The following TMED7 variants were observed in gnomAD, a reference collection of about 807,000 sequenced individuals.
TMED7 encodes transmembrane p24 trafficking protein 7, also known as transmembrane emp24 domain-containing protein 7.
TMED7 carries 8 observed loss-of-function variants against 23.4 expected under a neutral mutation model. That is an observed-to-expected ratio of 0.34 (90% CI 0.20 to 0.62). TMED7 has a LOEUF of 0.62. Among genes scored for constraint, TMED7 ranks in the 20% least tolerant of loss-of-function variants. TMED7 has a pLI of 0.77. For synonymous variants in TMED7, 121 were observed against 108.5 expected, an observed-to-expected ratio of 1.12 and a Z score of -0.72; for missense variants, 232 against 279.1, an observed-to-expected ratio of 0.83 and a Z score of 1.20.
chr5:115,617,585 A>C (rs773837056), intron 2 of TMED7, among the ~76,000 whole-genome samples: 2 of 127,916 alleles, frequency 1.6e-5, no homozygotes, highest in Non-Finnish European at 3.3e-5. Context: ...AGCTAGAGAG[A>C]GATGTGCTTC....
chr5:115,625,595 T>C lies in TMED7; in HGVS notation c.192+6A>G. On this transcript the variant is annotated splice_donor_region_variant and intron_variant, in intron 1 of 2. Coordinates refer to ENST00000456936, the MANE Select transcript of TMED7 (RefSeq NM_181836.6). ...TGGGGCCCAGGGACTGCTAGGCCCC[T>C]GATACCTGGAACTCCAGGGTGCACT... is the stretch of plus-strand genomic sequence containing the variant. The C allele has an allele frequency of 6.3e-7, 1 of 1,575,530 alleles. No homozygotes were observed.
chr5:115,617,343 A>T (rs1424059027), intron 2 of TMED7, among the ~76,000 whole-genome samples: 1 of 152,244 alleles, frequency 6.6e-6, no homozygotes, highest in Non-Finnish European at 1.5e-5. Context: ...TAAGGAATAT[A>T]GAAATTAGAA....
chr5:115,621,348 A>G (rs984670941), intron 1 of TMED7, among the ~76,000 whole-genome samples: 1 of 152,226 alleles, frequency 6.6e-6, no homozygotes, highest in African/African-American at 2.4e-5. Context: ...TGAGTAACGG[A>G]GTGGGCTATT....
At chr5:115,617,128 A>G (rs533727315) in intron 2 of TMED7, among the ~76,000 whole-genome samples, 18 of 152,334 alleles carry the variant, frequency 1.2e-4, no homozygotes, top group African/African-American at 4.1e-4. Context: ...CCTTTAGCTG[A>G]TAACAGCTTG....
At chr5:115,616,542 T>C in intron 2 of TMED7, 97 bp from the exon 3 acceptor site, 1 of 1,536,920 alleles carries the variant, frequency 6.5e-7, no homozygotes, top group South Asian at 1.2e-5. Context: ...AATTCCTCTT[T>C]TGACTAACAT....
chr5:115,618,071 C>T (rs934949787), intron 2 of TMED7, among the ~76,000 whole-genome samples: 4 of 152,302 alleles, frequency 2.6e-5, no homozygotes, highest in Admixed American at 1.3e-4. Context: ...GGATTACAGG[C>T]GTAAGCCACC....
Position 115,625,876 on chromosome 5 carries a change from G to C in TMED7, c.-84C>G. On this transcript the variant is annotated 5_prime_UTR_variant, in exon 1 of 3. Coordinates refer to ENST00000456936, the MANE Select transcript of TMED7 (RefSeq NM_181836.6). The stretch of plus-strand genomic sequence containing the variant: ...GACTCACCGCGCGCGGCAGGCCTCA[G>C]CGCAGGCCACCCCGCAAAGATACAC... 14 of 1,322,694 alleles carry C rather than the reference G, an allele frequency of 1.1e-5. No individual in the cohort carries two copies. Among genetic ancestry groups the C allele is most frequent in the Non-Finnish European group, 1.2e-5 (13 of 1,042,936 alleles). 81.9% of individuals were successfully genotyped at this position (1,322,694 alleles called of 1,614,324 possible). A position where few individuals can be genotyped will look rare whatever the true frequency, so the allele number is the denominator to read the frequency against.
chr5:115,626,033 G>A lies in TMED7; in HGVS notation c.-241C>T. The A allele has an allele frequency of 2.4e-6, 1 of 423,784 alleles. No homozygotes were observed. Among genetic ancestry groups the A allele is most frequent in the Non-Finnish European group, 3.9e-6 (1 of 256,468 alleles). The allele number at this position is 423,784 out of a possible 1,614,324, so 26.3% of individuals were successfully genotyped here. A position where few individuals can be genotyped will look rare whatever the true frequency, so the allele number is the denominator to read the frequency against. On this transcript the variant is annotated 5_prime_UTR_variant, in exon 1 of 3. Coordinates refer to ENST00000456936, the MANE Select transcript of TMED7 (RefSeq NM_181836.6). The stretch of plus-strand genomic sequence containing the variant: ...AAGGCCTGAGAGGGTCGGAAGTGGG[G>A]ATTAGCCTTTCGGGGGGTGAAGGGG...
chr5:115,617,716 C>T (rs1218851618), intron 2 of TMED7, among the ~76,000 whole-genome samples: 1 of 152,244 alleles, frequency 6.6e-6, no homozygotes, highest in African/African-American at 2.4e-5. Context: ...TCCTTCAAGC[C>T]TGTCCATGGG....
intron 1 of TMED7, among the ~76,000 whole-genome samples, chr5:115,623,242 C>G (rs571780111): frequency 6.6e-6 from 1 of 152,210 alleles, no homozygotes; most frequent in South Asian, 2.1e-4. Context: ...AGATCTGGAA[C>G]CACCCAAGTG....
intron 2 of TMED7, among the ~76,000 whole-genome samples, chr5:115,618,760 C>A (rs561377737): frequency 6.6e-6 from 1 of 152,240 alleles, no homozygotes; most frequent in East Asian, 1.9e-4. Context: ...TCAGTCTGAT[C>A]CACTCAGTAT....
intron 2 of TMED7, among the ~76,000 whole-genome samples, chr5:115,618,983 T>C (rs186362185): frequency 1.3e-5 from 2 of 152,354 alleles, no homozygotes; most frequent in African/African-American, 2.4e-5. Flanking sequence ...TTTTAAAGTA[T>C]GAAAAGTTGC....
chr5:115,616,410 C>G lies in TMED7; in HGVS notation c.474G>C (p.Leu158=), dbSNP rs1340102602. ...GAGTCTGATAATCGATGACAGACTT[C>G]AGAGCTTCGTGAATTGAAACACAGG... ...ESACVSIHEA[L]KSVIDYQTHF... is the part of the protein sequence containing the mutation. The change falls in exon 3 of 3, where the codon CTG becomes CTC. Residue 158 remains leucine (L), a synonymous_variant. Coordinates refer to ENST00000456936, the MANE Select transcript of TMED7 (RefSeq NM_181836.6). 1.9e-6 allele frequency: 3 copies of G among 1,614,058 alleles called. No homozygotes were observed. The highest frequency in any genetic ancestry group is 1.7e-5 in the Admixed American group (1 of 60,012).
intron 1 of TMED7, among the ~76,000 whole-genome samples, chr5:115,622,371 T>C (rs1447385363): frequency 2.0e-5 from 3 of 152,172 alleles, no homozygotes; most frequent in Admixed American, 6.5e-5. Context: ...CTCTCAATCT[T>C]TTTGCCCCTC....
intron 1 of TMED7, among the ~76,000 whole-genome samples, chr5:115,625,145 T>C (rs1179529448): frequency 6.6e-6 from 1 of 152,232 alleles, no homozygotes; most frequent in African/African-American, 2.4e-5. Context: ...CAACCTGTAA[T>C]GGAGCTCTTC....
Position 115,620,665 on chromosome 5 carries a change from G to T in TMED7, c.208C>A (p.His70Asn). ...TCTAATCGACAATCTACATCATAGT[G>T]ACCACCAGTAATCACCTGTAAGAGA... Reference protein sequence around the residue: ...TLEFQVITGGHYDVDCRLEDP... With the variant: ...TLEFQVITGGNYDVDCRLEDP... Residue 70 changes from histidine (H) to asparagine (N), a missense_variant, in exon 2 of 3, where the codon CAC becomes AAC. Physicochemically the swap from His to Asn is moderately conservative, Grantham distance 68 (BLOSUM62 1). Around this residue, in one of 2 missense-constraint regions of TMED7, gnomAD observed 106 missense variants for 97.0 expected, o/e 1.09. Transcript: ENST00000456936. 1 of 1,505,630 alleles carries T rather than the reference G, an allele frequency of 6.6e-7. No individual in the cohort carries two copies. Among genetic ancestry groups the T allele is most frequent in the South Asian group, 1.4e-5 (1 of 73,192 alleles). 93.3% of individuals were successfully genotyped at this position (1,505,630 alleles called of 1,614,324 possible).
At chr5:115,618,138 T>TATTCA (rs551731354) in intron 2 of TMED7, among the ~76,000 whole-genome samples, 2 of 152,166 alleles carry the variant, frequency 1.3e-5, no homozygotes, top group Non-Finnish European at 2.9e-5. Flanking sequence ...CTTCCATATA[T>TATTCA]ATTCAAAAGT....
At position 115,625,587 on chromosome 5, in the gene TMED7, T is replaced by C. The variant is rs1226216380; in HGVS notation, c.192+14A>G. On this transcript the variant is annotated intron_variant, in intron 1 of 2. Transcript: ENST00000456936. ...CCGCGAGTTGGGGCCCAGGGACTGC[T>C]AGGCCCCTGATACCTGGAACTCCAG... 1.3e-6 allele frequency: 2 copies of C among 1,558,388 alleles called. No individual in the cohort carries two copies. Among genetic ancestry groups the C allele is most frequent in the East Asian group, 2.5e-5 (1 of 39,448 alleles).
chr5:115,618,422 T>G (rs934683646), intron 2 of TMED7, among the ~76,000 whole-genome samples: 1 of 152,208 alleles, frequency 6.6e-6, no homozygotes, highest in Non-Finnish European at 1.5e-5. Flanking sequence ...GGTTTTCAAG[T>G]AAGAATCCAA....
Sources: gnomAD v4.1 joint callset for allele counts (sites outside exome capture counted in the v4.1 genomes callset) on GRCh38, gnomAD v4.1.1 for gene constraint, gnomAD v4.1.1 regional missense constraint, MANE v1.5 for transcripts, NCBI Gene and HGNC (gene_info 2026-07-23, HGNC 2026-07-21) for gene names.